The following UNC80 variants were observed in gnomAD, a reference collection of about 807,000 sequenced individuals.
The protein encoded by UNC80 is protein unc-80 homolog.
Under a neutral mutation model 384.6 loss-of-function variants are expected in UNC80, and 164 were observed. That is an observed-to-expected ratio of 0.43 (90% confidence interval 0.38 to 0.49). The LOEUF (loss-of-function observed/expected upper bound fraction) is 0.49. UNC80 is among the 20% of genes least tolerant of loss of function. The pLI is 0.00. For synonymous variants in UNC80, 1,486 were observed against 1,527.8 expected (o/e 0.97, Z 0.64); for missense variants, 3,330 against 4,143.0 (o/e 0.80, Z 5.39).
chr2:209,994,662 CA>C (rs1254652782), intron 64 of UNC80, among the ~76,000 whole-genome samples: 2 of 152,074 alleles, frequency 1.3e-5, no homozygotes, highest in African/African-American at 4.8e-5. Flanking sequence ...CTTATTGGAG[CA>C]TTTTGGATTT....
In UNC80 at chr2:209,982,227, T is replaced by C. The variant is rs2125023031; in HGVS notation, c.9167T>C (p.Leu3056Pro). The C allele has an allele frequency of 1.9e-6, 3 of 1,551,620 alleles. No individual in the cohort carries two copies. The highest frequency in any genetic ancestry group is 2.6e-6 in the Non-Finnish European group (3 of 1,146,952). ...GTGGTAAGTGAACAAGAAGCTTACC[T>C]CCTGAGTGCCATTGGAAGGAGGCGA... ...PSVVSEQEAY[L>P]LSAIGRRRFS... Residue 3056 changes from leucine to proline, a missense_variant, in exon 60 of 65, where the codon CTC (leucine) becomes CCC (proline). By Grantham distance (98) the Leu-to-Pro change is moderately conservative (BLOSUM62 -3). Around this residue, in one of 8 missense-constraint regions of UNC80, gnomAD observed 216 missense variants for 245.3 expected, o/e 0.88. Coordinates refer to ENST00000673920, the MANE Select transcript of UNC80 (RefSeq NM_001371986.1).
intron 16 of UNC80, among the ~76,000 whole-genome samples, chr2:209,833,234 T>C (rs2081112000): frequency 6.6e-6 from 1 of 151,144 alleles, no homozygotes; most frequent in Non-Finnish European, 1.5e-5. Flanking sequence ...TAAGTGTTCT[T>C]TAGGCTTCTG....
At chr2:209,874,924 A>C (rs1248075048) in intron 23 of UNC80, among the ~76,000 whole-genome samples, 1 of 152,198 alleles carries the variant, frequency 6.6e-6, no homozygotes, top group Non-Finnish European at 1.5e-5. Flanking sequence ...TACCACCGTC[A>C]TCTGAGATGC....
intron 43 of UNC80, among the ~76,000 whole-genome samples, chr2:209,940,030 A>G (rs1414351700): frequency 1.3e-5 from 2 of 152,190 alleles, no homozygotes; most frequent in Non-Finnish European, 2.9e-5. Flanking sequence ...TTGCATTTCT[A>G]TTAAGTTCTC....
chr2:209,786,570 A>G (rs2153825260), intron 5 of UNC80, among the ~76,000 whole-genome samples: 1 of 152,324 alleles, frequency 6.6e-6, no homozygotes, highest in South Asian at 2.1e-4. Flanking sequence ...CATCATCATC[A>G]TGGTAAATGG....
intron 44 of UNC80, among the ~76,000 whole-genome samples, chr2:209,942,625 C>T (rs1230855713): frequency 6.6e-6 from 1 of 152,030 alleles, no homozygotes; most frequent in Non-Finnish European, 1.5e-5. Context: ...GTTTGCTCAA[C>T]CTATGGGGGC....
intron 45 of UNC80, among the ~76,000 whole-genome samples, 172 bp downstream of exon 45, chr2:209,943,686 T>G (rs1431115362): frequency 6.6e-6 from 1 of 152,188 alleles, no homozygotes; most frequent in Non-Finnish European, 1.5e-5. Flanking sequence ...AAGGAGAAGC[T>G]TCAGGTATGT....
chr2:209,818,896 CT>C (rs1252777569), intron 11 of UNC80, 96 bp from the exon 12 acceptor site: 4 of 1,348,528 alleles, frequency 3.0e-6, no homozygotes, highest in Non-Finnish European at 4.0e-6. Flanking sequence ...AAAACTACAG[CT>C]GTTATTGTGG....
chr2:209,864,199 G>A (rs1442420424), intron 22 of UNC80, among the ~76,000 whole-genome samples: 1 of 152,054 alleles, frequency 6.6e-6, no homozygotes, highest in Non-Finnish European at 1.5e-5. Flanking sequence ...GGAGGCTGGA[G>A]AGCAGCAAAG....
chr2:209,792,849 T>G (rs753539379), intron 6 of UNC80, among the ~76,000 whole-genome samples: 18 of 152,234 alleles, frequency 1.2e-4, no homozygotes, highest in Non-Finnish European at 2.4e-4. Context: ...CTTACCTGTC[T>G]TGAGACATAA....
intron 13 of UNC80, among the ~76,000 whole-genome samples, chr2:209,825,199 C>T (rs1335912469): frequency 2.0e-5 from 3 of 152,084 alleles, no homozygotes; most frequent in Admixed American, 2.0e-4. Flanking sequence ...CTTCCTTATG[C>T]TTCTTTGGAA....
chr2:209,825,668 C>T (rs543685119), intron 13 of UNC80, among the ~76,000 whole-genome samples: 87 of 152,280 alleles, frequency 5.7e-4, no homozygotes, highest in African/African-American at 2.0e-3. Context: ...GAAGTCTATA[C>T]TTATATTCTC....
rs146278382 is a variant in UNC80 at position 209,881,727 on chromosome 2, T to C, written c.4110+633T>C. On this transcript the variant is annotated intron_variant, in intron 25 of 64. Coordinates refer to ENST00000673920, the MANE Select transcript of UNC80 (RefSeq NM_001371986.1). ...GTTTAACCAATGATATAAATATAAA[T>C]ACTATGCAAGAACCAGGCATGTTCA... Among the ~76,000 whole-genome samples, 6 of 152,026 alleles carry C rather than the reference T, an allele frequency of 3.9e-5. 1 individual carries two copies. The East Asian group carries it at 1.2e-3, about 30-fold the overall frequency.
At chr2:209,879,884 T>G (rs2085129144) in intron 24 of UNC80, among the ~76,000 whole-genome samples, 1 of 152,176 alleles carries the variant, frequency 6.6e-6, no homozygotes, top group South Asian at 2.1e-4. Context: ...AACGATAGCT[T>G]AAATATCTAC....
chr2:209,931,218 G>A (rs749742355), intron 38 of UNC80, among the ~76,000 whole-genome samples, 164 bp downstream of exon 38: 1 of 151,832 alleles, frequency 6.6e-6, no homozygotes. Context: ...TTTGACATAT[G>A]GAGGACAGTC....
At chr2:209,889,032 A>T (rs1419467603) in intron 26 of UNC80, among the ~76,000 whole-genome samples, 1 of 152,166 alleles carries the variant, frequency 6.6e-6, no homozygotes, top group African/African-American at 2.4e-5. Flanking sequence ...TTATTTAATC[A>T]TTTTTGTGAA....
Position 209,826,861 on chromosome 2 carries a change from T to A in UNC80, c.2478+808T>A, listed in dbSNP as rs2153828265. On this transcript the variant is annotated intron_variant, in intron 14 of 64. Transcript: ENST00000673920. ...TGAGTTCCAGAAATCCTTTGGCATATCTTGACAGAGTTTTAGGGTCATGTC... is the reference window on the plus strand; with the variant it reads ...TGAGTTCCAGAAATCCTTTGGCATAACTTGACAGAGTTTTAGGGTCATGTC... 2.0e-5 allele frequency among the ~76,000 whole-genome samples: 3 copies of A among 152,254 alleles called. No individual in the cohort carries two copies. In the East Asian group the frequency reaches 5.8e-4, roughly 29 times the overall value.
In UNC80 at chr2:209,969,853, C is replaced by T. The variant is rs1305964219; in HGVS notation, c.8092C>T (p.Pro2698Ser). 6.4e-7 allele frequency: 1 copy of T among 1,551,752 alleles called. No individual in the cohort carries two copies. Among genetic ancestry groups the T allele is most frequent in the Non-Finnish European group, 8.7e-7 (1 of 1,146,992 alleles). The change falls in exon 53 of 65, where the codon CCT (proline) becomes TCT (serine). Residue 2698 changes from proline (P) to serine (S), a missense_variant. By Grantham distance (74) the Pro-to-Ser change is moderately conservative (BLOSUM62 -1). Transcript: ENST00000673920. ...LQRQPIISFL[P>S]HLRSLINVCV... ...GAGGCAGCCAATCATATCCTTCCTG[C>T]CTCACCTTAGGTCACTGATCAATGT...
Position 209,995,760 on chromosome 2 carries a change from C to A in UNC80, c.*165C>A. 1.3e-6 allele frequency: 1 copy of A among 760,696 alleles called. No individual in the cohort carries two copies. The highest frequency in any genetic ancestry group is 2.1e-6 in the Non-Finnish European group (1 of 487,466). The allele number at this position is 760,696 out of a possible 1,614,324, so 47.1% of individuals were successfully genotyped here. A position where few individuals can be genotyped will look rare whatever the true frequency, so the allele number is the denominator to read the frequency against. Reference sequence around the variant, plus strand: ...TTTGCTGCCAATACACATGATGTTTCATAAACATCTTAAAAGTCAATGGCT... The same window carrying A: ...TTTGCTGCCAATACACATGATGTTTAATAAACATCTTAAAAGTCAATGGCT... On this transcript the variant is annotated 3_prime_UTR_variant, in exon 65 of 65. Transcript: ENST00000673920.
Sources: gnomAD v4.1 joint callset for allele counts (sites outside exome capture counted in the v4.1 genomes callset) on GRCh38, gnomAD v4.1.1 for gene constraint, gnomAD v4.1.1 regional missense constraint, MANE v1.5 for transcripts, NCBI Gene and HGNC (gene_info 2026-07-23, HGNC 2026-07-21) for gene names.